The following POU6F1 variants were observed in gnomAD, a reference collection of about 807,000 sequenced individuals.
POU6F1 encodes POU class 6 homeobox 1.
In POU6F1, 9 loss-of-function variants were observed where a neutral mutation model predicts 28.9. The observed-to-expected ratio is 0.31, with a 90% confidence interval of 0.19 to 0.54. The LOEUF is 0.54. Ranked by LOEUF, POU6F1 falls within the 20% of genes least tolerant of loss-of-function variation. POU6F1 has a pLI of 0.94. For missense variants in POU6F1, 338 were observed against 426.1 expected (o/e 0.79, Z 1.82); for synonymous variants, 173 against 171.1 (o/e 1.01, Z -0.09).
intron 1 of POU6F1, among the ~76,000 whole-genome samples, chr12:51,214,448 T>A (rs1009928367): frequency 2.6e-5 from 4 of 152,122 alleles, no homozygotes; most frequent in African/African-American, 9.7e-5. Context: ...GGGGTAAGGC[T>A]GATGGGGACT....
chr12:51,205,276 G>A (rs542362184), intron 2 of POU6F1, among the ~76,000 whole-genome samples: 70 of 152,108 alleles, frequency 4.6e-4, no homozygotes, highest in African/African-American at 1.7e-3. Flanking sequence ...TCCTGATCTC[G>A]TGATCCGCCC....
Position 51,190,121 on chromosome 12 carries a change from A to G in POU6F1, c.*126T>C. Reference sequence around the variant, plus strand: ...ACATTGATGCACATGCACACGGTGGAGTCTGATGACCTGGGGTGAGCACAG... The same window carrying G: ...ACATTGATGCACATGCACACGGTGGGGTCTGATGACCTGGGGTGAGCACAG... On this transcript the variant is annotated 3_prime_UTR_variant, in exon 11 of 11. Coordinates refer to ENST00000333640, the MANE Select transcript of POU6F1 (RefSeq NM_001330422.2). The surrounding 1 kb of genome is among the most constrained non-coding windows in gnomAD (Gnocchi z 4.5). The G allele has an allele frequency of 9.9e-6, 14 of 1,412,672 alleles. No individual in the cohort carries two copies. Among genetic ancestry groups the G allele is most frequent in the Non-Finnish European group, 1.3e-5 (14 of 1,065,814 alleles). 87.5% of individuals were successfully genotyped at this position (1,412,672 alleles called of 1,614,324 possible).
chr12:51,209,770 A>G (rs1171598608), intron 1 of POU6F1, among the ~76,000 whole-genome samples: 1 of 152,140 alleles, frequency 6.6e-6, no homozygotes, highest in African/African-American at 2.4e-5. Flanking sequence ...TAACCCCTCT[A>G]GAGTGGGATT....
rs1329091683 is a variant in POU6F1, at chr12:51,199,151, TGGTC to T, written c.367-380_367-377del. Among the ~76,000 whole-genome samples the T allele has an allele frequency of 7.5e-3, 3 of 400 alleles. No homozygotes were observed. Among genetic ancestry groups the T allele is most frequent in the African/African-American group, 0.031 (3 of 98 alleles). The allele number at this position is 400 out of a possible 152,430, so 0.3% of individuals were successfully genotyped here. A position where few individuals can be genotyped will look rare whatever the true frequency, so the allele number is the denominator to read the frequency against. On this transcript the variant is annotated intron_variant, in intron 4 of 10. Transcript: ENST00000333640. This position sits in a 1 kb window ranked among gnomAD's most constrained non-coding sequence, Gnocchi z 4.1. ...GGGAGCAGAGGCTGATGGAACCAAG[TGGTC>T]AAGGCCCCGCAGAGGCTAATGGAAC...
At position 51,204,154 on chromosome 12, in the gene POU6F1, G is replaced by A. The variant is rs1466718544; in HGVS notation, c.244+19C>T. 2.5e-6 allele frequency: 1 copy of A among 398,926 alleles called. No individual in the cohort carries two copies. Among genetic ancestry groups the A allele is most frequent in the Non-Finnish European group, 4.4e-6 (1 of 226,160 alleles). The allele number at this position is 398,926 out of a possible 1,614,324, so 24.7% of individuals were successfully genotyped here. ...GCACTCAGGTGGAGCAGTACCAGGT[G>A]GGGGTGATGGCCTCGTACCAGTTGC... On this transcript the variant is annotated intron_variant, in intron 3 of 10. Coordinates refer to ENST00000333640, the MANE Select transcript of POU6F1 (RefSeq NM_001330422.2).
intron 9 of POU6F1, 107 bp downstream of exon 9, chr12:51,192,223 T>C: frequency 6.9e-7 from 1 of 1,449,536 alleles, no homozygotes; most frequent in Non-Finnish European, 9.4e-7. Flanking sequence ...GCCTCTGCCC[T>C]TCCCCTCTGG....
chr12:51,212,006 C>T (rs915134499), intron 1 of POU6F1, among the ~76,000 whole-genome samples: 1 of 152,194 alleles, frequency 6.6e-6, no homozygotes, highest in Non-Finnish European at 1.5e-5. Context: ...CAAATCAGAA[C>T]TCCCTAGAAT....
At chr12:51,210,957 T>C (rs1418515392) in intron 1 of POU6F1, among the ~76,000 whole-genome samples, 2 of 152,256 alleles carry the variant, frequency 1.3e-5, no homozygotes, top group Non-Finnish European at 2.9e-5. Flanking sequence ...ACCCTGTGTG[T>C]TCCCCTTGCT....
intron 1 of POU6F1, among the ~76,000 whole-genome samples, chr12:51,210,769 C>G (rs1943938934): frequency 6.6e-6 from 1 of 152,220 alleles, no homozygotes; most frequent in African/African-American, 2.4e-5. Flanking sequence ...ACCCACCCAC[C>G]AGATTTCATT....
chr12:51,194,385 A>G (rs1266452577), intron 8 of POU6F1, among the ~76,000 whole-genome samples: 1 of 152,158 alleles, frequency 6.6e-6, no homozygotes, highest in Non-Finnish European at 1.5e-5. Context: ...ACATGCCTGT[A>G]ATACCAGCAC....
chr12:51,206,767 C>T (rs1026733941), intron 2 of POU6F1, 22 bp downstream of exon 2: 5 of 398,594 alleles, frequency 1.3e-5, no homozygotes, highest in African/African-American at 4.1e-5. Flanking sequence ...CTTACCCCCC[C>T]ACTTCCCACC....
rs1174338947 is a variant in POU6F1, at chr12:51,217,506, CT to C, written c.-48+135del. On this transcript the variant is annotated intron_variant, in intron 1 of 10. Coordinates refer to ENST00000333640, the MANE Select transcript of POU6F1 (RefSeq NM_001330422.2). The surrounding 1 kb of genome is among the most constrained non-coding windows in gnomAD (Gnocchi z 5.3). ...GCATCCCGCCGCCCCGGCCCCGCGG[CT>C]TTTTTTCTCTTTATCATAAATATAT... 2.7e-4 allele frequency: 41 copies of C among 152,764 alleles called. 1 individual carries two copies. In the South Asian group the frequency reaches 5.7e-3, roughly 21 times the overall value. The allele number at this position is 152,764 out of a possible 1,614,324, so 9.5% of individuals were successfully genotyped here. A position where few individuals can be genotyped will look rare whatever the true frequency, so the allele number is the denominator to read the frequency against.
chr12:51,190,430 G>A lies in POU6F1; in HGVS notation c.1653C>T (p.Phe551=). The change falls in exon 11 of 11, where the codon TTC becomes TTT. Residue 551 remains phenylalanine, a synonymous_variant. Coordinates refer to ENST00000333640, the MANE Select transcript of POU6F1 (RefSeq NM_001330422.2). This position sits in a 1 kb window ranked among gnomAD's most constrained non-coding sequence, Gnocchi z 4.5. ...PSKKRKRRTS[F]TPQAIEALNA... is the part of the protein sequence containing the mutation. ...TGAGAGCCTCTATGGCCTGGGGGGT[G>A]AAGGAGGTGCGGCGTTTGCGTTTCT... 1 of 1,614,140 alleles carries A rather than the reference G, an allele frequency of 6.2e-7. No individual in the cohort carries two copies. The highest frequency in any genetic ancestry group is 8.5e-7 in the Non-Finnish European group (1 of 1,180,022).
chr12:51,199,913 C>A lies in POU6F1; in HGVS notation c.245-45G>T. On this transcript the variant is annotated intron_variant, in intron 3 of 10. Transcript: ENST00000333640. This position sits in a 1 kb window ranked among gnomAD's most constrained non-coding sequence, Gnocchi z 4.1. The stretch of plus-strand genomic sequence containing the variant: ...AAAGAAGGACAAGGAGTGAGCCTGA[C>A]GTGAGTGGAGGGGTCACCACAGCAG... The A allele has an allele frequency of 2.5e-6, 1 of 399,444 alleles. No homozygotes were observed. 24.7% of individuals were successfully genotyped at this position (399,444 alleles called of 1,614,324 possible).
Position 51,190,425 on chromosome 12 carries a change from G to T in POU6F1, c.1658C>A (p.Pro553His), listed in dbSNP as rs762712145. ...KKRKRRTSFT[P>H]QAIEALNAYF... ...GGCATTGAGAGCCTCTATGGCCTGG[G>T]GGGTGAAGGAGGTGCGGCGTTTGCG... The change falls in exon 11 of 11, where the codon CCC becomes CAC. Residue 553 changes from proline to histidine, a missense_variant. Coordinates refer to ENST00000333640, the MANE Select transcript of POU6F1 (RefSeq NM_001330422.2). This position sits in a 1 kb window ranked among gnomAD's most constrained non-coding sequence, Gnocchi z 4.5. 3 of 1,614,170 alleles carry T rather than the reference G, an allele frequency of 1.9e-6. No individual in the cohort carries two copies. Among genetic ancestry groups the T allele is most frequent in the South Asian group, 1.1e-5 (1 of 91,074 alleles).
intron 1 of POU6F1, among the ~76,000 whole-genome samples, chr12:51,213,840 TTA>T (rs1323901748): frequency 1.3e-5 from 2 of 151,364 alleles, no homozygotes; most frequent in East Asian, 4.0e-4. Flanking sequence ...CCTAATTTCG[TTA>T]TCTTTAAAAT....
intron 6 of POU6F1, among the ~76,000 whole-genome samples, 170 bp downstream of exon 6, chr12:51,197,600 G>A (rs908979069): frequency 5.3e-5 from 8 of 152,164 alleles, no homozygotes; most frequent in African/African-American, 1.9e-4. Flanking sequence ...GGGATGGACG[G>A]GCTGGCAGCT....
At chr12:51,204,415 C>A (rs1378135208) in intron 2 of POU6F1, 47 bp from the exon 3 acceptor site, 1 of 399,020 alleles carries the variant, frequency 2.5e-6, no homozygotes, top group Non-Finnish European at 4.4e-6. Flanking sequence ...GCCAGTATAG[C>A]CGCAGGGTCC....
At position 51,198,021 on chromosome 12, in the gene POU6F1, C is replaced by G; in HGVS notation, c.595G>C (p.Ala199Pro). Reference sequence around the variant, plus strand: ...GGAAGAGCGGTGTTCAGCACAGCAGCTGCTATGGAGCAAGGCAGAGACAGA... The same window carrying G: ...GGAAGAGCGGTGTTCAGCACAGCAGGTGCTATGGAGCAAGGCAGAGACAGA... ...FKPPLAGLQA[A>P]AVLNTALPAP... is the part of the protein sequence containing the mutation. The change falls in exon 6 of 11, where the codon GCT (alanine) becomes CCT (proline). Residue 199 changes from alanine to proline, a missense_variant and splice_region_variant. Coordinates refer to ENST00000333640, the MANE Select transcript of POU6F1 (RefSeq NM_001330422.2). 1 of 399,506 alleles carries G rather than the reference C, an allele frequency of 2.5e-6. No individual in the cohort carries two copies. Among genetic ancestry groups the G allele is most frequent in the Non-Finnish European group, 4.4e-6 (1 of 226,456 alleles). The allele number at this position is 399,506 out of a possible 1,614,324, so 24.7% of individuals were successfully genotyped here.
Sources: gnomAD v4.1 joint callset for allele counts (sites outside exome capture counted in the v4.1 genomes callset) on GRCh38, gnomAD v4.1.1 for gene constraint, Gnocchi (gnomAD v3.1) non-coding constraint, MANE v1.5 for transcripts, NCBI Gene and HGNC (gene_info 2026-07-23, HGNC 2026-07-21) for gene names.